Variants in ZCCHC24 observed in about 807,000 individuals in gnomAD.
The protein encoded by ZCCHC24 is zinc finger CCHC domain-containing protein 24.
Under a neutral mutation model 26.2 loss-of-function variants are expected in ZCCHC24, and 10 were observed. The observed-to-expected ratio is 0.38, with a 90% confidence interval of 0.24 to 0.65. ZCCHC24 has a LOEUF of 0.65. ZCCHC24 is among the 30% of genes least tolerant of loss of function. The probability of loss-of-function intolerance (pLI) is 0.54; values close to 1 mark genes in which losing one functional copy is unlikely to be tolerated. For missense variants in ZCCHC24, 243 were observed against 329.1 expected, an observed-to-expected ratio of 0.74 and a Z score of 2.03; for synonymous variants, 144 against 147.1, an observed-to-expected ratio of 0.98 and a Z score of 0.15.
chr10:79,438,160 T>C (rs966156192), intron 1 of ZCCHC24, among the ~76,000 whole-genome samples: 2 of 151,718 alleles, frequency 1.3e-5, no homozygotes, highest in African/African-American at 4.8e-5. Flanking sequence ...TCTGTAGGGG[T>C]TCCTTTCATC....
chr10:79,430,998 T>C (rs1037670458), intron 2 of ZCCHC24, among the ~76,000 whole-genome samples: 2 of 152,218 alleles, frequency 1.3e-5, no homozygotes, highest in African/African-American at 2.4e-5. Context: ...ATGAGGCAAA[T>C]AGAGCACTTA....
intron 1 of ZCCHC24, 110 bp downstream of exon 1, chr10:79,445,085 C>A (rs920510550): frequency 5.4e-6 from 6 of 1,104,568 alleles, no homozygotes; most frequent in Non-Finnish European, 3.4e-6. Context: ...CCCGGCAATG[C>A]GGAGCCGGGC....
At chr10:79,433,851 G>C (rs1252453276) in intron 1 of ZCCHC24, among the ~76,000 whole-genome samples, 1 of 152,216 alleles carries the variant, frequency 6.6e-6, no homozygotes, top group Non-Finnish European at 1.5e-5. Context: ...AGCCCAGGTT[G>C]GGGACAGTCC....
chr10:79,445,555 T>C lies in ZCCHC24; in HGVS notation c.-115A>G. ...CTGCCCGCCTCCCGAGCCCCGACGG[T>C]GATCGCCCCGCGCCCTGCGCCCCGC... On this transcript the variant is annotated 5_prime_UTR_variant, in exon 1 of 4. Coordinates refer to ENST00000372336, the MANE Select transcript of ZCCHC24 (RefSeq NM_153367.4). 1 of 957,884 alleles carries C rather than the reference T, an allele frequency of 1.0e-6. No homozygotes were observed. Among genetic ancestry groups the C allele is most frequent in the South Asian group, 4.9e-5 (1 of 20,334 alleles). 59.3% of individuals were successfully genotyped at this position (957,884 alleles called of 1,614,324 possible). A position where few individuals can be genotyped will look rare whatever the true frequency, so the allele number is the denominator to read the frequency against.
intron 2 of ZCCHC24, among the ~76,000 whole-genome samples, chr10:79,407,182 C>A (rs947677562): frequency 2.0e-5 from 3 of 152,214 alleles, no homozygotes; most frequent in African/African-American, 4.8e-5. Flanking sequence ...TCTGAGACAG[C>A]GCCTTTAAAG....
At chr10:79,431,825 T>A (rs1554842437) in intron 2 of ZCCHC24, among the ~76,000 whole-genome samples, 1 of 152,144 alleles carries the variant, frequency 6.6e-6, no homozygotes, top group Non-Finnish European at 1.5e-5. Flanking sequence ...AAATCACTGA[T>A]AATCTCATGC....
At chr10:79,418,046 G>C (rs1856889341) in intron 2 of ZCCHC24, among the ~76,000 whole-genome samples, 1 of 152,198 alleles carries the variant, frequency 6.6e-6, no homozygotes, top group Non-Finnish European at 1.5e-5. Flanking sequence ...TGGTGGAAAG[G>C]GAAAATGCTG....
At chr10:79,387,557 A>G (rs1351640010) in intron 3 of ZCCHC24, among the ~76,000 whole-genome samples, 3 of 152,142 alleles carry the variant, frequency 2.0e-5, no homozygotes, top group Non-Finnish European at 4.4e-5. Flanking sequence ...CTGCCTGCAG[A>G]AGGGTCCCCT....
rs186655903 is a variant in ZCCHC24 at position 79,443,740 on chromosome 10, C to G, written c.246+1455G>C. On this transcript the variant is annotated intron_variant, in intron 1 of 3. Transcript: ENST00000372336. ...CCTGAAGAGGCAGAAAAGTCTCTTA[C>G]AAGAAAGAAAGATCCCCAGCCAAGA... Among the ~76,000 whole-genome samples, 14 of 152,370 alleles carry G rather than the reference C, an allele frequency of 9.2e-5. No individual in the cohort carries two copies. In the East Asian group the frequency reaches 2.3e-3, roughly 25 times the overall value.
intron 2 of ZCCHC24, among the ~76,000 whole-genome samples, chr10:79,398,391 G>T (rs960324574): frequency 6.6e-6 from 1 of 152,186 alleles, no homozygotes; most frequent in Non-Finnish European, 1.5e-5. Flanking sequence ...GCGTGTAAAG[G>T]TCTCAGCTCA....
At chr10:79,406,416 A>G (rs986836975) in intron 2 of ZCCHC24, among the ~76,000 whole-genome samples, 1 of 152,084 alleles carries the variant, frequency 6.6e-6, no homozygotes, top group Non-Finnish European at 1.5e-5. Context: ...GGTCGCAGGG[A>G]GGAAGGAAGC....
chr10:79,443,960 T>A (rs1034029001), intron 1 of ZCCHC24: 4 of 1,153,106 alleles, frequency 3.5e-6, no homozygotes, highest in Admixed American at 7.6e-5. Context: ...GCATTTTATA[T>A]GTCCATGCCT....
At position 79,395,085 on chromosome 10, in the gene ZCCHC24, A is replaced by AT. The variant is rs1856527857; in HGVS notation, c.448-646dup. On this transcript the variant is annotated intron_variant, in intron 2 of 3. Coordinates refer to ENST00000372336, the MANE Select transcript of ZCCHC24 (RefSeq NM_153367.4). ...CCATTCTAAAGATTTATCTTATTTT[A>AT]TTTTTTCGAGACAGGGTCTCGATAT... Among the ~76,000 whole-genome samples the AT allele has an allele frequency of 3.3e-5, 5 of 152,044 alleles. No individual in the cohort carries two copies. The South Asian group carries it at 1.0e-3, about 31-fold the overall frequency.
At chr10:79,392,653 CA>C (rs1589659426) in intron 3 of ZCCHC24, among the ~76,000 whole-genome samples, 1 of 152,168 alleles carries the variant, frequency 6.6e-6, no homozygotes, top group African/African-American at 2.4e-5. Context: ...ATTCTCTCAA[CA>C]ATCAAACTCT....
intron 2 of ZCCHC24, among the ~76,000 whole-genome samples, chr10:79,429,452 G>A (rs754298923): frequency 1.1e-4 from 16 of 152,228 alleles, no homozygotes; most frequent in African/African-American, 2.2e-4. Flanking sequence ...CATGATGGCA[G>A]CACCTGGATT....
intron 2 of ZCCHC24, among the ~76,000 whole-genome samples, chr10:79,407,938 C>CCCAG (rs1189901851): frequency 1.3e-5 from 2 of 152,164 alleles, no homozygotes; most frequent in African/African-American, 4.8e-5. Context: ...GCTCTCCTGG[C>CCCAG]CCAGCCCCAA....
At chr10:79,412,242 TGGCCA>T (rs1229174758) in intron 2 of ZCCHC24, among the ~76,000 whole-genome samples, 2 of 152,184 alleles carry the variant, frequency 1.3e-5, no homozygotes, top group Non-Finnish European at 2.9e-5. Flanking sequence ...AGGAAGTGAG[TGGCCA>T]AGGCAGACCC....
At chr10:79,406,908 G>A (rs1053936896) in intron 2 of ZCCHC24, among the ~76,000 whole-genome samples, 3 of 152,218 alleles carry the variant, frequency 2.0e-5, no homozygotes, top group Non-Finnish European at 4.4e-5. Context: ...AGAAGGGGCT[G>A]GCTGGTGGTA....
At chr10:79,394,535 C>T in intron 2 of ZCCHC24, 95 bp from the exon 3 acceptor site, 4 of 1,535,162 alleles carry the variant, frequency 2.6e-6, no homozygotes, top group African/African-American at 1.4e-5. Flanking sequence ...TCTTCATGTC[C>T]TGTGTCCATG....
Sources: allele counts gnomAD v4.1 joint callset (sites outside exome capture counted in the v4.1 genomes callset), GRCh38; gene constraint gnomAD v4.1.1; transcripts MANE v1.5; gene names NCBI Gene and HGNC (gene_info 2026-07-23, HGNC 2026-07-21).